Variants in MGMT observed in about 807,000 individuals in gnomAD.
MGMT encodes methylated-DNA--protein-cysteine methyltransferase.
A neutral mutation model predicts 15.9 loss-of-function variants in MGMT; 14 were observed. The observed-to-expected ratio is 0.88, with a 90% CI of 0.58 to 1.37. The LOEUF is 1.37. Among genes scored for constraint, MGMT ranks in the 40% most tolerant of loss-of-function variants. The pLI, the probability that MGMT is intolerant of heterozygous loss-of-function variation, is 0.00. For synonymous variants in MGMT, 130 were observed against 118.2 expected (o/e 1.10, Z -0.65); for missense variants, 282 against 268.1 (o/e 1.05, Z -0.36).
rs377699734 is a variant in MGMT at position 129,675,746 on chromosome 10, C to T, written c.126-32149C>T. 3.5e-4 allele frequency among the ~76,000 whole-genome samples: 54 copies of T among 152,262 alleles called. No homozygotes were observed. In the South Asian group the frequency reaches 5.6e-3, roughly 16 times the overall value. ...CTGCTGTGATCTCCTTGGGTGAGAG[C>T]ATCAGGGAGAAGAGAGAAAGACCCA... On this transcript the variant is annotated intron_variant, in intron 2 of 4. Coordinates refer to ENST00000651593, the MANE Select transcript of MGMT (RefSeq NM_002412.5).
chr10:129,688,952 C>A (rs770501934), intron 2 of MGMT, among the ~76,000 whole-genome samples: 31 of 151,268 alleles, frequency 2.0e-4, no homozygotes, highest in Admixed American at 9.2e-4. Context: ...AAAATGTGTT[C>A]TTTTCTATCT....
chr10:129,508,882 TC>T (rs1362005961), intron 1 of MGMT, among the ~76,000 whole-genome samples: 4 of 152,082 alleles, frequency 2.6e-5, no homozygotes, highest in African/African-American at 9.7e-5. Flanking sequence ...ATTAAATAGC[TC>T]AGATCAGATT....
intron 2 of MGMT, among the ~76,000 whole-genome samples, chr10:129,614,970 T>G (rs917576880): frequency 1.1e-4 from 17 of 152,120 alleles, no homozygotes; most frequent in African/African-American, 3.9e-4. Flanking sequence ...TTGGTTTTTG[T>G]TTTTTGTTTT....
chr10:129,504,522 CTGT>C, intron 1 of MGMT, among the ~76,000 whole-genome samples: 1 of 152,340 alleles, frequency 6.6e-6, no homozygotes, highest in East Asian at 1.9e-4. Context: ...CAGGACGACA[CTGT>C]TGTTTGGGAT....
At position 129,475,611 on chromosome 10, in the gene MGMT, A is replaced by G. The variant is rs146895953; in HGVS notation, c.-13+8315A>G. On this transcript the variant is annotated intron_variant, in intron 1 of 4. Coordinates refer to ENST00000651593, the MANE Select transcript of MGMT (RefSeq NM_002412.5). ...GTGTTATCATCAGATTAAGCTGTCGAGTCAGATGGATGCTGTGGTTGTGCG... is the reference window on the plus strand; with the variant it reads ...GTGTTATCATCAGATTAAGCTGTCGGGTCAGATGGATGCTGTGGTTGTGCG... Among the ~76,000 whole-genome samples, 4 of 152,302 alleles carry G rather than the reference A, an allele frequency of 2.6e-5. No homozygotes were observed. The East Asian group carries it at 7.7e-4, about 29-fold the overall frequency.
chr10:129,474,585 C>T (rs979083213), intron 1 of MGMT, among the ~76,000 whole-genome samples: 24 of 152,150 alleles, frequency 1.6e-4, no homozygotes, highest in African/African-American at 5.3e-4. Flanking sequence ...GGAGATTTCC[C>T]GACTGCAGCC....
chr10:129,766,370 C>T (rs1425622888), intron 4 of MGMT, among the ~76,000 whole-genome samples: 2 of 152,208 alleles, frequency 1.3e-5, no homozygotes, highest in South Asian at 2.1e-4. Flanking sequence ...TTCTCTGATG[C>T]GTCCTGTGAT....
chr10:129,642,225 G>A (rs1589910162), intron 2 of MGMT, among the ~76,000 whole-genome samples: 1 of 151,664 alleles, frequency 6.6e-6, no homozygotes, highest in African/African-American at 2.4e-5. Flanking sequence ...GGGCGGGCGG[G>A]CGTAGGGGGC....
chr10:129,736,920 A>G (rs1265336907), intron 3 of MGMT, among the ~76,000 whole-genome samples: 3 of 152,320 alleles, frequency 2.0e-5, no homozygotes, highest in African/African-American at 4.8e-5. Context: ...AGTTTCTGCC[A>G]AGAGATCTGC....
Position 129,566,943 on chromosome 10 carries a change from G to A in MGMT, c.125+30566G>A, listed in dbSNP as rs898853484. Among the ~76,000 whole-genome samples the A allele has an allele frequency of 3.4e-4, 52 of 152,144 alleles. No homozygotes were observed. Among genetic ancestry groups the A allele is most frequent in the Admixed American group, 1.6e-3 (24 of 15,284 alleles). ...ATCAATGGAGATCAATACCCAGGAGGTGCCATCTCTCTTGGCGGGTGACAC... is the reference window on the plus strand; with the variant it reads ...ATCAATGGAGATCAATACCCAGGAGATGCCATCTCTCTTGGCGGGTGACAC... On this transcript the variant is annotated intron_variant, in intron 2 of 4. Transcript: ENST00000651593. The surrounding 1 kb of genome is among the most constrained non-coding windows in gnomAD (Gnocchi z 4.1).
chr10:129,495,084 T>C (rs1265333593), intron 1 of MGMT, among the ~76,000 whole-genome samples: 3 of 152,238 alleles, frequency 2.0e-5, no homozygotes, highest in Admixed American at 6.5e-5. Flanking sequence ...GCACACATTC[T>C]TTCCTTGACT....
intron 3 of MGMT, among the ~76,000 whole-genome samples, chr10:129,708,913 C>T (rs1848199207): frequency 6.6e-6 from 1 of 152,180 alleles, no homozygotes; most frequent in Non-Finnish European, 1.5e-5. Context: ...CGGTGCTTCT[C>T]AGCACAAAAC....
chr10:129,717,258 C>A (rs971241481), intron 3 of MGMT, among the ~76,000 whole-genome samples: 6 of 152,176 alleles, frequency 3.9e-5, no homozygotes, highest in African/African-American at 1.4e-4. Flanking sequence ...AATTTGAAAT[C>A]TTTGGGGTTT....
intron 3 of MGMT, among the ~76,000 whole-genome samples, chr10:129,757,646 G>A (rs939051984): frequency 3.3e-5 from 5 of 152,092 alleles, no homozygotes; most frequent in Admixed American, 6.5e-5. Context: ...TTTTTTTAAA[G>A]TTAGGCATAA....
intron 2 of MGMT, among the ~76,000 whole-genome samples, chr10:129,657,715 A>G (rs1035467683): frequency 2.0e-5 from 3 of 148,332 alleles, no homozygotes; most frequent in Admixed American, 6.7e-5. Flanking sequence ...ACGCACACAC[A>G]CACACACACA....
chr10:129,610,265 T>C (rs1233968301), intron 2 of MGMT, among the ~76,000 whole-genome samples: 1 of 152,228 alleles, frequency 6.6e-6, no homozygotes, highest in East Asian at 1.9e-4. Context: ...TCACTGTCAT[T>C]GTATTAATGG....
intron 2 of MGMT, among the ~76,000 whole-genome samples, chr10:129,586,111 A>G (rs747280054): frequency 6.6e-6 from 1 of 152,168 alleles, no homozygotes; most frequent in Non-Finnish European, 1.5e-5. Flanking sequence ...ATGGTGTGCA[A>G]TTTAGAACGT....
intron 2 of MGMT, among the ~76,000 whole-genome samples, chr10:129,550,809 A>G (rs1564849521): frequency 6.6e-6 from 1 of 151,834 alleles, no homozygotes; most frequent in African/African-American, 2.4e-5. Flanking sequence ...CTAACTCCCC[A>G]TTTCTGCCAG....
intron 2 of MGMT, among the ~76,000 whole-genome samples, chr10:129,678,575 A>G (rs925293138): frequency 6.6e-6 from 1 of 152,216 alleles, no homozygotes; most frequent in African/African-American, 2.4e-5. Context: ...TCCCTGGGAA[A>G]ATACATCCTT....
Sources: gnomAD v4.1 joint callset for allele counts (sites outside exome capture counted in the v4.1 genomes callset) on GRCh38, gnomAD v4.1.1 for gene constraint, Gnocchi (gnomAD v3.1) non-coding constraint, MANE v1.5 for transcripts, NCBI Gene and HGNC (gene_info 2026-07-23, HGNC 2026-07-21) for gene names.